The following DPYSL3 variants were observed in gnomAD, a reference collection of about 807,000 sequenced individuals.
The protein encoded by DPYSL3 is dihydropyrimidinase-related protein 3.
In DPYSL3, 16 loss-of-function variants were observed where a neutral mutation model predicts 66.1. The observed-to-expected ratio is 0.24, with a 90% CI of 0.16 to 0.37. The LOEUF is 0.37. Among genes scored for constraint, DPYSL3 ranks in the 10% least tolerant of loss-of-function variants. DPYSL3 has a pLI of 1.00. For missense variants in DPYSL3, 738 were observed against 916.2 expected, an observed-to-expected ratio of 0.81 and a Z score of 2.51; for synonymous variants, 338 against 345.1, an observed-to-expected ratio of 0.98 and a Z score of 0.23.
intron 1 of DPYSL3, among the ~76,000 whole-genome samples, chr5:147,428,328 A>C (rs1752237950): frequency 6.6e-6 from 1 of 152,104 alleles, no homozygotes; most frequent in Non-Finnish European, 1.5e-5. Flanking sequence ...GAGCTCAAAT[A>C]AATGCTTCCT....
At chr5:147,506,673 T>G (rs903439199) in intron 1 of DPYSL3, among the ~76,000 whole-genome samples, 5 of 152,166 alleles carry the variant, frequency 3.3e-5, no homozygotes, top group African/African-American at 1.2e-4. Flanking sequence ...TAACGGGCAT[T>G]AAAATTGAAG....
chr5:147,448,559 A>T (rs934157592), intron 1 of DPYSL3, among the ~76,000 whole-genome samples: 1 of 152,234 alleles, frequency 6.6e-6, no homozygotes, highest in Non-Finnish European at 1.5e-5. Flanking sequence ...GATTTTATAA[A>T]TATAAATCAG....
chr5:147,493,035 A>C (rs1482413868), intron 1 of DPYSL3, among the ~76,000 whole-genome samples: 1 of 152,234 alleles, frequency 6.6e-6, no homozygotes, highest in East Asian at 1.9e-4. Context: ...AGAAAGTGCA[A>C]ATAACTATAT....
rs368254542 is a variant in DPYSL3, at chr5:147,400,775, T to C, written c.1369A>G (p.Ile457Val). The C allele has an allele frequency of 2.5e-6, 4 of 1,614,070 alleles. No individual in the cohort carries two copies. The highest frequency in any genetic ancestry group is 2.7e-5 in the African/African-American group (2 of 74,918). Residue 457 changes from isoleucine (I) to valine (V), a missense_variant, in exon 10 of 14, where the codon ATT (isoleucine) becomes GTT (valine). Ile to Val is a conservative substitution (Grantham distance 29, BLOSUM62 3). Transcript: ENST00000343218. ...HCTFSTAQKA[I>V]GKDNFTAIPE... is the part of the protein sequence containing the mutation. ...ATGGCTGTGAAGTTGTCCTTCCCAA[T>C]TGCTTTCTGGGCAGTGCTGAAGGTG...
intron 1 of DPYSL3, among the ~76,000 whole-genome samples, chr5:147,500,678 C>T (rs116494839): frequency 0.012 from 1,774 of 151,256 alleles, 51 homozygotes; most frequent in African/African-American, 0.041. Context: ...AGCCAAAGAG[C>T]TTAACAGACA....
chr5:147,497,259 G>T (rs1028243099), intron 1 of DPYSL3, among the ~76,000 whole-genome samples: 1 of 143,110 alleles, frequency 7.0e-6, no homozygotes, highest in African/African-American at 2.5e-5. Flanking sequence ...GTGGGGTGGG[G>T]GGAGGGGGAA....
intron 1 of DPYSL3, among the ~76,000 whole-genome samples, chr5:147,476,024 A>G (rs1431491213): frequency 6.6e-6 from 1 of 152,174 alleles, no homozygotes; most frequent in Non-Finnish European, 1.5e-5. Context: ...TGAGGTTGAT[A>G]CTATTATTAT....
At chr5:147,408,891 A>G (rs1309607934) in intron 6 of DPYSL3, 95 bp from the exon 7 acceptor site, 10 of 1,224,494 alleles carry the variant, frequency 8.2e-6, no homozygotes, top group Non-Finnish European at 4.8e-6. Context: ...TAAAGAATAA[A>G]TATGCGTATG....
intron 7 of DPYSL3, among the ~76,000 whole-genome samples, chr5:147,407,661 A>T (rs562613235): frequency 2.6e-5 from 4 of 152,318 alleles, no homozygotes; most frequent in Admixed American, 2.6e-4. Context: ...AACTGAGATA[A>T]CGTATGCAAT....
chr5:147,497,730 G>T (rs1581219371), intron 1 of DPYSL3, among the ~76,000 whole-genome samples: 1 of 151,158 alleles, frequency 6.6e-6, no homozygotes, highest in East Asian at 1.9e-4. Flanking sequence ...ACTTAGCGAA[G>T]TAGGAAGATT....
intron 1 of DPYSL3, among the ~76,000 whole-genome samples, chr5:147,462,904 A>ATAAT (rs1469184430): frequency 6.6e-6 from 1 of 152,128 alleles, no homozygotes. Flanking sequence ...TCTGAAAAAG[A>ATAAT]GTTCCTTTTG....
chr5:147,394,079 C>T lies in DPYSL3; in HGVS notation c.2011G>A (p.Val671Met), dbSNP rs755161394. The change falls in exon 14 of 14, where the codon GTG becomes ATG. Residue 671 changes from valine (V) to methionine (M), a missense_variant. Physicochemically the swap from Val to Met is conservative, Grantham distance 21 (BLOSUM62 1). Transcript: ENST00000343218. ...EGVRSASKRI[V>M]APPGGRSNIT... ...TTAGAACGGCCGCCTGGGGGCGCCA[C>T]GATGCGCTTGCTGGCTGAGCGAACC... is the stretch of plus-strand genomic sequence containing the variant. 5.0e-6 allele frequency: 8 copies of T among 1,613,968 alleles called. No homozygotes were observed. The highest frequency in any genetic ancestry group is 3.3e-5 in the Admixed American group (2 of 59,992).
chr5:147,491,363 A>G (rs1753412842), intron 1 of DPYSL3, among the ~76,000 whole-genome samples: 1 of 152,206 alleles, frequency 6.6e-6, no homozygotes. Context: ...CCTTTTACTC[A>G]GTACATGGAT....
chr5:147,482,103 T>C (rs868827650), intron 1 of DPYSL3, among the ~76,000 whole-genome samples: 2 of 152,106 alleles, frequency 1.3e-5, no homozygotes, highest in Non-Finnish European at 1.5e-5. Context: ...ATGATCCAGA[T>C]AAAGAGCAGT....
At chr5:147,482,201 CA>C (rs1162140184) in intron 1 of DPYSL3, among the ~76,000 whole-genome samples, 3 of 152,104 alleles carry the variant, frequency 2.0e-5, no homozygotes, top group Admixed American at 2.0e-4. Context: ...TGTAATTTAC[CA>C]AGGACTTAGT....
At chr5:147,474,880 G>A (rs565599555) in intron 1 of DPYSL3, among the ~76,000 whole-genome samples, 3 of 152,070 alleles carry the variant, frequency 2.0e-5, no homozygotes, top group Non-Finnish European at 2.9e-5. Flanking sequence ...CAATCTAAGT[G>A]TAGAACATTT....
At chr5:147,414,156 A>T (rs2152021199) in intron 4 of DPYSL3, among the ~76,000 whole-genome samples, 1 of 152,318 alleles carries the variant, frequency 6.6e-6, no homozygotes, top group East Asian at 1.9e-4. Context: ...ATTAAAGGAG[A>T]GAATACATAC....
At chr5:147,397,368 T>C (rs1758021029) in intron 12 of DPYSL3, among the ~76,000 whole-genome samples, 1 of 152,166 alleles carries the variant, frequency 6.6e-6, no homozygotes, top group Admixed American at 6.6e-5. Context: ...AGTCATTTAT[T>C]TTTTAAAAAA....
rs111290389 is a variant in DPYSL3, at chr5:147,442,387, G to A, written c.382-17424C>T. Among the ~76,000 whole-genome samples the A allele has an allele frequency of 1.4e-3, 218 of 152,260 alleles. 1 individual carries two copies. The highest frequency in any genetic ancestry group is 4.9e-3 in the African/African-American group (204 of 41,546). On this transcript the variant is annotated intron_variant, in intron 1 of 13. Coordinates refer to ENST00000343218, the MANE Select transcript of DPYSL3 (RefSeq NM_001197294.2). ...AAAACAAATGTGCTCATTCAAGAGC[G>A]GGAGGAAATGAGAGAAAGCAGAGTT...
Sources: allele counts gnomAD v4.1 joint callset (sites outside exome capture counted in the v4.1 genomes callset), GRCh38; gene constraint gnomAD v4.1.1; transcripts MANE v1.5; gene names NCBI Gene and HGNC (gene_info 2026-07-23, HGNC 2026-07-21).